The following RGPD2 variants were observed in gnomAD, a reference collection of about 807,000 sequenced individuals.
The protein encoded by RGPD2 is RANBP2-like and GRIP domain-containing protein 2.
A neutral mutation model predicts 36.0 loss-of-function variants in RGPD2; 2 were observed. That is an observed-to-expected ratio of 0.06 (90% CI 0.02 to 0.17). The LOEUF is 0.17. Ranked by LOEUF, RGPD2 falls within the 10% of genes least tolerant of loss-of-function variation. The pLI, the probability that RGPD2 is intolerant of heterozygous loss-of-function variation, is 1.00. For missense variants in RGPD2, 40 were observed against 464.3 expected (o/e 0.09, Z 8.40); for synonymous variants, 19 against 163.8 (o/e 0.12, Z 6.75).
At chr2:87,948,665 G>A in the RGPD2 span, among the ~76,000 whole-genome samples, 1 of 129,638 alleles carries the variant, frequency 7.7e-6, no homozygotes, top group Non-Finnish European at 1.6e-5. Context: ...ACATGTGTGA[G>A]CCACCGCACC....
chr2:87,825,694 G>A lies in RGPD2; in HGVS notation c.36C>T (p.Leu12=). 1.9e-6 allele frequency: 3 copies of A among 1,601,538 alleles called. No homozygotes were observed. The highest frequency in any genetic ancestry group is 2.6e-6 in the Non-Finnish European group (3 of 1,175,052). The change falls in exon 1 of 23, where the codon CTC becomes CTT. Residue 12 remains leucine, a synonymous_variant. Coordinates refer to ENST00000398146, the MANE Select transcript of RGPD2 (RefSeq NM_001078170.3). ...RRSKAYGERY[L]ASVQGSAPSP... ...ACGGGGCGGAGCCCTGCACCGAGGC[G>A]AGGTACCGCTCCCCGTAGGCTTTGC...
chr2:87,857,037 AC>A, the RGPD2 span, among the ~76,000 whole-genome samples: 1 of 152,236 alleles, frequency 6.6e-6, no homozygotes, highest in Non-Finnish European at 1.5e-5. Flanking sequence ...TTGTTGAAAG[AC>A]CCAAAGTCAA....
At chr2:87,959,056 A>AT in the RGPD2 span, among the ~76,000 whole-genome samples, 96 of 21,946 alleles carry the variant, frequency 4.4e-3, 38 homozygotes, top group African/African-American at 5.1e-3. Context: ...ATATATATAT[A>AT]TTTTTTTTAA....
At chr2:87,930,514 T>A in the RGPD2 span, among the ~76,000 whole-genome samples, 1 of 152,050 alleles carries the variant, frequency 6.6e-6, no homozygotes, top group Non-Finnish European at 1.5e-5. Context: ...ATCAAAGATA[T>A]GGGCCTGAAG....
chr2:87,876,610 G>GTAAT, the RGPD2 span, among the ~76,000 whole-genome samples: 15 of 152,288 alleles, frequency 9.8e-5, no homozygotes, highest in Non-Finnish European at 2.9e-5. Flanking sequence ...TTACTGAGGA[G>GTAAT]TGTTTTACAT....
At chr2:87,951,804 C>T in the RGPD2 span, among the ~76,000 whole-genome samples, 1 of 136,946 alleles carries the variant, frequency 7.3e-6, no homozygotes, top group Admixed American at 7.6e-5. Context: ...AGGCTGGTCT[C>T]AAACTCCTGA....
At chr2:87,961,349 G>A in the RGPD2 span, among the ~76,000 whole-genome samples, 1 of 152,140 alleles carries the variant, frequency 6.6e-6, no homozygotes, top group South Asian at 2.1e-4. Flanking sequence ...TGTATCCTTG[G>A]CGACGTCGGC....
intron 6 of RGPD2, among the ~76,000 whole-genome samples, chr2:87,809,819 T>TCC (rs1686103652): frequency 1.4e-5 from 2 of 147,022 alleles, no homozygotes; most frequent in African/African-American, 4.9e-5. Context: ...CTCCTGAGCC[T>TCC]CCCCCTCTGA....
chr2:87,848,878 G>GTA, the RGPD2 span, among the ~76,000 whole-genome samples: 1 of 150,166 alleles, frequency 6.7e-6, no homozygotes, highest in South Asian at 2.3e-4. Context: ...GTGTGTGTGT[G>GTA]TGTGTGTGCA....
chr2:87,825,358 G>C (rs1249189016), intron 1 of RGPD2, among the ~76,000 whole-genome samples: 1 of 146,802 alleles, frequency 6.8e-6, no homozygotes, highest in Non-Finnish European at 1.5e-5. Context: ...TAATCTTCTC[G>C]GGCTCCTACG....
chr2:87,838,976 TA>T, the RGPD2 span, among the ~76,000 whole-genome samples: 1 of 113,898 alleles, frequency 8.8e-6, no homozygotes, highest in Non-Finnish European at 1.8e-5. Context: ...AAAGGTTTCA[TA>T]AAAAAAAATC....
the RGPD2 span, chr2:87,968,491 G>GT: frequency 2.1e-5 from 3 of 142,706 alleles, no homozygotes; most frequent in Admixed American, 2.1e-4. Context: ...CAGGACAATC[G>GT]CCCGAACTCG....
chr2:87,832,180 T>C, the RGPD2 span, among the ~76,000 whole-genome samples: 1 of 149,634 alleles, frequency 6.7e-6, no homozygotes. Context: ...AAGTAAAACT[T>C]AATATAATAG....
the RGPD2 span, among the ~76,000 whole-genome samples, chr2:87,860,589 C>T: frequency 6.6e-6 from 1 of 151,118 alleles, no homozygotes; most frequent in African/African-American, 2.4e-5. Flanking sequence ...GACCCCACTG[C>T]TGTGGAAGCA....
the RGPD2 span, among the ~76,000 whole-genome samples, chr2:87,984,355 G>A: frequency 3.9e-5 from 6 of 152,094 alleles, no homozygotes; most frequent in East Asian, 5.8e-4. Context: ...TTAAAGAGTC[G>A]TGAAAAAGGA....
the RGPD2 span, among the ~76,000 whole-genome samples, chr2:87,964,224 A>G: frequency 6.6e-6 from 1 of 152,254 alleles, no homozygotes; most frequent in African/African-American, 2.4e-5. Flanking sequence ...GGATTTTCAC[A>G]TTTTACTTCA....
the RGPD2 span, among the ~76,000 whole-genome samples, chr2:87,955,208 G>T: frequency 1.5e-4 from 21 of 140,508 alleles, no homozygotes; most frequent in East Asian, 4.5e-3. Flanking sequence ...TAGAGACAGG[G>T]TTTCACCATG....
upstream of RGPD2, among the ~76,000 whole-genome samples, chr2:87,830,430 A>G (rs1452244738): frequency 6.6e-6 from 1 of 152,114 alleles, no homozygotes; most frequent in Non-Finnish European, 1.5e-5. Context: ...AAAGCCATCC[A>G]ACAAGTCTCT....
At chr2:87,830,279 C>A (rs1261832251), upstream of RGPD2, among the ~76,000 whole-genome samples, 2 of 152,258 alleles carry the variant, frequency 1.3e-5, no homozygotes, top group South Asian at 4.1e-4. Context: ...TCCACCCCTG[C>A]TGAAAACTTC....
Sources: gnomAD v4.1 joint callset for allele counts (sites outside exome capture counted in the v4.1 genomes callset) on GRCh38, gnomAD v4.1.1 for gene constraint, MANE v1.5 for transcripts, NCBI Gene and HGNC (gene_info 2026-07-23, HGNC 2026-07-21) for gene names.